Variants in EP400 observed in about 807,000 individuals in gnomAD.
EP400 encodes E1A-binding protein p400.
In EP400, 105 loss-of-function variants were observed where a neutral mutation model predicts 354.1. That is an observed-to-expected ratio of 0.30 (90% CI 0.25 to 0.35). EP400 has a LOEUF of 0.35. EP400 is among the 10% of genes least tolerant of loss of function. The pLI is 1.00. For missense variants in EP400, 3,280 were observed against 4,121.0 expected, an observed-to-expected ratio of 0.80 and a Z score of 5.59; for synonymous variants, 1,646 against 1,716.9, an observed-to-expected ratio of 0.96 and a Z score of 1.02.
chr12:131,996,144 T>C (rs1697833234), intron 12 of EP400, among the ~76,000 whole-genome samples: 1 of 152,176 alleles, frequency 6.6e-6, no homozygotes, highest in African/African-American at 2.4e-5. Context: ...TTTGTGCTGT[T>C]GGTGGCCATT....
intron 39 of EP400, among the ~76,000 whole-genome samples, chr12:132,048,330 A>G (rs61944619): frequency 0.13 from 19,125 of 152,156 alleles, 1,654 homozygotes; most frequent in African/African-American, 0.24. Flanking sequence ...AAGAAATTAT[A>G]AAAGTATTAA....
At chr12:131,956,840 C>T (rs564425948) in intron 1 of EP400, among the ~76,000 whole-genome samples, 2 of 143,274 alleles carry the variant, frequency 1.4e-5, no homozygotes, top group African/African-American at 5.1e-5. Context: ...TAAGTACATG[C>T]TTTTCTCCTT....
rs773334969 is a variant in EP400 at position 132,017,487 on chromosome 12, C to CCGTTTGGTG, written c.3924-48_3924-47insCGTTTGGTG. ...TCGATGGTGAGGGTGGGACTATGTCCATGTGCCGTTTGGATTGAATGCTTC... is the reference window on the plus strand; with the variant it reads ...TCGATGGTGAGGGTGGGACTATGTCCCGTTTGGTGATGTGCCGTTTGGATTGAATGCTTC... On this transcript the variant is annotated intron_variant, in intron 19 of 52. Coordinates refer to ENST00000389561, the MANE Select transcript of EP400 (RefSeq NM_015409.5). This position sits in a 1 kb window ranked among gnomAD's most constrained non-coding sequence, Gnocchi z 5.0. The CCGTTTGGTG allele has an allele frequency of 1.9e-6, 3 of 1,595,832 alleles. No homozygotes were observed. The African/African-American group carries it at 4.0e-5, about 21-fold the overall frequency.
Position 132,027,523 on chromosome 12 carries a change from C to T in EP400, c.5101C>T (p.Pro1701Ser), listed in dbSNP as rs1440007967. ...CAAACCAGCTTCTCCCATTGGAGGG[C>T]CGACCCAGGTAAGCACCTGAGCTTG... ...ASKPASPIGG[P>S]TQEEKTRLLK... The change falls in exon 26 of 53, where the codon CCG becomes TCG. Residue 1701 changes from proline (P) to serine (S), a missense_variant. Pro to Ser is a moderately conservative substitution (Grantham distance 74). Transcript: ENST00000389561. This position sits in a 1 kb window ranked among gnomAD's most constrained non-coding sequence, Gnocchi z 4.9. The T allele has an allele frequency of 9.3e-6, 15 of 1,611,642 alleles. No homozygotes were observed. The highest frequency in any genetic ancestry group is 1.3e-5 in the Non-Finnish European group (15 of 1,178,706).
rs1893819891 is a variant in EP400, at chr12:132,013,184, T to C, written c.3611+6T>C. The stretch of plus-strand genomic sequence containing the variant: ...GCGGTTTTCACCCTGCAGAGGTCTG[T>C]GTGTTACGCGCTTGTCATTGAGTGT... On this transcript the variant is annotated splice_donor_region_variant and intron_variant, in intron 17 of 52. Coordinates refer to ENST00000389561, the MANE Select transcript of EP400 (RefSeq NM_015409.5). This position sits in a 1 kb window ranked among gnomAD's most constrained non-coding sequence, Gnocchi z 4.5. 1 of 1,607,494 alleles carries C rather than the reference T, an allele frequency of 6.2e-7. No individual in the cohort carries two copies. The highest frequency in any genetic ancestry group is 1.3e-5 in the African/African-American group (1 of 74,762).
chr12:132,050,236 A>T lies in EP400; in HGVS notation c.7201-87A>T. 1 of 1,513,296 alleles carries T rather than the reference A, an allele frequency of 6.6e-7. No homozygotes were observed. The highest frequency in any genetic ancestry group is 9.0e-7 in the Non-Finnish European group (1 of 1,115,516). The allele number at this position is 1,513,296 out of a possible 1,614,324, so 93.7% of individuals were successfully genotyped here. A position where few individuals can be genotyped will look rare whatever the true frequency, so the allele number is the denominator to read the frequency against. On this transcript the variant is annotated intron_variant, in intron 39 of 52. Transcript: ENST00000389561. The surrounding 1 kb of genome is among the most constrained non-coding windows in gnomAD (Gnocchi z 4.8). ...GTTCAGCCATGGGGAGTTTAGCCTC[A>T]GATTCCCACCCAGTGAGCCCTGTGT...
chr12:131,982,549 A>T (rs1892718040), intron 5 of EP400, 71 bp downstream of exon 5: 1 of 1,504,312 alleles, frequency 6.6e-7, no homozygotes, highest in South Asian at 1.3e-5. Context: ...TGTTAGACAG[A>T]GTGTCACACC....
At chr12:132,000,507 T>A (rs1231174733) in intron 12 of EP400, among the ~76,000 whole-genome samples, 1 of 152,244 alleles carries the variant, frequency 6.6e-6, no homozygotes, top group Non-Finnish European at 1.5e-5. Context: ...TTCTTATCCT[T>A]ACTGATTTTT....
intron 32 of EP400, among the ~76,000 whole-genome samples, chr12:132,039,833 G>T (rs1737874680): frequency 6.6e-6 from 1 of 152,224 alleles, no homozygotes; most frequent in Admixed American, 6.5e-5. Context: ...GAGGCCAGGA[G>T]TTCAAGACTG....
At chr12:131,966,089 C>A (rs1174783832) in intron 2 of EP400, among the ~76,000 whole-genome samples, 1 of 151,022 alleles carries the variant, frequency 6.6e-6, no homozygotes, top group African/African-American at 2.4e-5. Context: ...GTATGTTGAA[C>A]TTTATTAAGA....
intron 47 of EP400, among the ~76,000 whole-genome samples, chr12:132,064,422 C>A (rs1199181326): frequency 6.6e-6 from 1 of 152,182 alleles, no homozygotes. Context: ...TAATAGAATT[C>A]TTTTTGCTAT....
intron 2 of EP400, among the ~76,000 whole-genome samples, chr12:131,977,303 AT>A (rs769185264): frequency 0.015 from 2,159 of 140,484 alleles, 40 homozygotes; most frequent in African/African-American, 0.044. Context: ...CGTCTGACTA[AT>A]TTTTTTTTTT....
rs1304816351 is a variant in EP400 at position 132,079,907 on chromosome 12, C to CT, written c.*2238dup. On this transcript the variant is annotated 3_prime_UTR_variant, in exon 53 of 53. Transcript: ENST00000389561. ...TTTAGTCGTGTACGTAAAAACTCTC[C>CT]TTTTAGTGTGTTATTTTCTTGGCCT... is the stretch of plus-strand genomic sequence containing the variant. The CT allele has an allele frequency of 1.3e-5, 2 of 152,192 alleles. No individual in the cohort carries two copies. Among genetic ancestry groups the CT allele is most frequent in the Non-Finnish European group, 2.9e-5 (2 of 68,038 alleles). 9.4% of individuals were successfully genotyped at this position (152,192 alleles called of 1,614,324 possible). A position where few individuals can be genotyped will look rare whatever the true frequency, so the allele number is the denominator to read the frequency against.
In EP400 at chr12:132,062,563, G is replaced by A. The variant is rs765676594; in HGVS notation, c.8196G>A (p.Gln2732=). The change falls in exon 47 of 53, where the codon CAG becomes CAA. Residue 2732 remains glutamine, a synonymous_variant. Coordinates refer to ENST00000389561, the MANE Select transcript of EP400 (RefSeq NM_015409.5). ...QQQQQQQQQQ[Q]QQQQQQQQQQ... ...AGCAGCAACAACAGCAGCAGCAGCA[G>A]CAGCAGCAGCAGCAGCAGCAGCAGC... 25 of 1,603,900 alleles carry A rather than the reference G, an allele frequency of 1.6e-5. No individual in the cohort carries two copies. The highest frequency in any genetic ancestry group is 1.5e-4 in the African/African-American group (11 of 74,418).
intron 2 of EP400, among the ~76,000 whole-genome samples, chr12:131,969,481 T>C (rs1490837216): frequency 1.3e-5 from 2 of 152,098 alleles, no homozygotes; most frequent in African/African-American, 4.8e-5. Flanking sequence ...GGTGGTTCTG[T>C]TATTATTTAT....
rs1894337992 is a variant in EP400 at position 132,027,272 on chromosome 12, C to G, written c.5015-165C>G. 6.6e-6 allele frequency among the ~76,000 whole-genome samples: 1 copy of G among 152,218 alleles called. No homozygotes were observed. Among genetic ancestry groups the G allele is most frequent in the Non-Finnish European group, 1.5e-5 (1 of 68,032 alleles). ...ATTTAAGTTTGAGCCCATGCACATT[C>G]CAGGCATGTGCTGGTGGAGGATGAG... On this transcript the variant is annotated intron_variant, in intron 25 of 52. Transcript: ENST00000389561. This position sits in a 1 kb window ranked among gnomAD's most constrained non-coding sequence, Gnocchi z 4.9.
At position 132,018,375 on chromosome 12, in the gene EP400, A is replaced by G. The variant is rs993078140; in HGVS notation, c.4276A>G (p.Arg1426Gly). Residue 1426 changes from arginine to glycine, a missense_variant and splice_region_variant, in exon 21 of 53, where the codon AGG becomes GGG. This residue lies in a region of EP400 where 342 missense variants were observed against 342.7 expected (regional missense o/e 1.00). Transcript: ENST00000389561. This position sits in a 1 kb window ranked among gnomAD's most constrained non-coding sequence, Gnocchi z 4.0. Reference protein sequence around the residue: ...RPAAAKLKASRLFQPVQYGQK... With the variant: ...RPAAAKLKASGLFQPVQYGQK... Reference sequence around the variant, plus strand: ...AGCAGCAGCAAAGCTGAAGGCCAGCAGGTGCGTGCGACCCAGAGGCAGCGG... The same window carrying G: ...AGCAGCAGCAAAGCTGAAGGCCAGCGGGTGCGTGCGACCCAGAGGCAGCGG... The G allele has an allele frequency of 3.7e-6, 6 of 1,604,400 alleles. No individual in the cohort carries two copies. In the African/African-American group the frequency reaches 6.8e-5, roughly 18 times the overall value.
intron 30 of EP400, among the ~76,000 whole-genome samples, chr12:132,035,209 G>A (rs764589455): frequency 3.3e-5 from 5 of 152,110 alleles, no homozygotes; most frequent in Admixed American, 2.0e-4. Flanking sequence ...CTCATGCCCC[G>A]GACAGGTGAG....
At chr12:132,048,070 A>T (rs959016998) in intron 39 of EP400, among the ~76,000 whole-genome samples, 2 of 152,206 alleles carry the variant, frequency 1.3e-5, no homozygotes, top group African/African-American at 4.8e-5. Context: ...CATTGCTGTT[A>T]TTCTGTTCTT....
Sources: gnomAD v4.1 joint callset for allele counts (sites outside exome capture counted in the v4.1 genomes callset) on GRCh38, gnomAD v4.1.1 for gene constraint, gnomAD v4.1.1 regional missense constraint, Gnocchi (gnomAD v3.1) non-coding constraint, MANE v1.5 for transcripts, NCBI Gene and HGNC (gene_info 2026-07-23, HGNC 2026-07-21) for gene names.